MAN1A1: variants seen among roughly 807,000 people sequenced by gnomAD.
MAN1A1 encodes mannosyl-oligosaccharide 1,2-alpha-mannosidase IA.
Under a neutral mutation model 70.8 loss-of-function variants are expected in MAN1A1, and 29 were observed. The ratio of observed to expected loss-of-function variants is 0.41; its 90% CI spans 0.31 to 0.56. The LOEUF (loss-of-function observed/expected upper bound fraction) is 0.56, where lower values mean the gene tolerates loss of function less well. MAN1A1 is among the 20% of genes least tolerant of loss of function. The probability of loss-of-function intolerance (pLI) is 0.29; values close to 1 mark genes in which losing one functional copy is unlikely to be tolerated. For synonymous variants in MAN1A1, 349 were observed against 330.1 expected (o/e 1.06, Z -0.62); for missense variants, 747 against 841.3 (o/e 0.89, Z 1.39).
intron 5 of MAN1A1, among the ~76,000 whole-genome samples, chr6:119,249,909 GGTTGACA>G: frequency 6.6e-6 from 1 of 152,214 alleles, no homozygotes; most frequent in East Asian, 1.9e-4. Flanking sequence ...AAATGACTTT[GGTTGACA>G]GTCAATTTAG....
Position 119,349,305 on chromosome 6 carries a change from G to A in MAN1A1, c.-222-18C>T. ...TGCAGCCCCTGCGGGGAGAGAAACA[G>A]TAAAACGTAGTAATTACGGCGATGA... On this transcript the variant is annotated intron_variant, in intron 1 of 12. Coordinates refer to ENST00000368468, the MANE Select transcript of MAN1A1 (RefSeq NM_005907.4). The A allele has an allele frequency of 8.4e-7, 1 of 1,192,624 alleles. No individual in the cohort carries two copies. The highest frequency in any genetic ancestry group is 1.0e-6 in the Non-Finnish European group (1 of 962,848). The allele number at this position is 1,192,624 out of a possible 1,614,324, so 73.9% of individuals were successfully genotyped here.
At chr6:119,337,105 G>A (rs1168009914) in intron 2 of MAN1A1, among the ~76,000 whole-genome samples, 1 of 151,142 alleles carries the variant, frequency 6.6e-6, no homozygotes, top group Admixed American at 6.6e-5. Flanking sequence ...TTTGTTTTTG[G>A]CACCACTTTC....
At chr6:119,240,336 A>G (rs966391554) in intron 6 of MAN1A1, among the ~76,000 whole-genome samples, 1 of 152,158 alleles carries the variant, frequency 6.6e-6, no homozygotes, top group Non-Finnish European at 1.5e-5. Flanking sequence ...AGTATAGAAA[A>G]ATATTTTAAA....
intron 6 of MAN1A1, among the ~76,000 whole-genome samples, chr6:119,217,725 T>C (rs1307648221): frequency 6.6e-6 from 1 of 152,196 alleles, no homozygotes; most frequent in Non-Finnish European, 1.5e-5. Flanking sequence ...GTAAAGATGA[T>C]AGAGAAAAAT....
intron 6 of MAN1A1, among the ~76,000 whole-genome samples, chr6:119,212,037 T>C (rs1334607543): frequency 6.6e-6 from 1 of 152,000 alleles, no homozygotes; most frequent in Non-Finnish European, 1.5e-5. Context: ...AGACGGGGTT[T>C]CACCATGTTA....
intron 11 of MAN1A1, among the ~76,000 whole-genome samples, chr6:119,186,723 G>A (rs567377084): frequency 7.2e-5 from 11 of 152,280 alleles, no homozygotes; most frequent in African/African-American, 2.4e-4. Context: ...GCTGGAGGTG[G>A]GAGCTGCAAG....
chr6:119,254,468 A>C (rs565485070), intron 5 of MAN1A1, among the ~76,000 whole-genome samples: 1 of 152,240 alleles, frequency 6.6e-6, no homozygotes. Flanking sequence ...CTGGGAAAAA[A>C]GCAAGACAAA....
intron 8 of MAN1A1, among the ~76,000 whole-genome samples, chr6:119,200,883 G>A (rs146352308): frequency 3.9e-4 from 60 of 152,258 alleles, no homozygotes; most frequent in African/African-American, 1.3e-3. Flanking sequence ...ATGTTAGGAA[G>A]CAGAATGGTC....
chr6:119,230,812 A>G (rs1774655753), intron 6 of MAN1A1, among the ~76,000 whole-genome samples: 1 of 152,198 alleles, frequency 6.6e-6, no homozygotes, highest in Non-Finnish European at 1.5e-5. Context: ...AATTCTCCCA[A>G]GAGCTTTCAT....
chr6:119,241,449 C>T (rs1330884762), intron 6 of MAN1A1, among the ~76,000 whole-genome samples: 1 of 152,184 alleles, frequency 6.6e-6, no homozygotes, highest in African/African-American at 2.4e-5. Flanking sequence ...CAAGCAGCAG[C>T]AGCAGTAGCT....
chr6:119,290,428 C>T (rs1289111865), intron 5 of MAN1A1, among the ~76,000 whole-genome samples: 2 of 151,970 alleles, frequency 1.3e-5, no homozygotes, highest in Middle Eastern at 3.2e-3. Context: ...GCTATAATCA[C>T]ACCATACATA....
intron 2 of MAN1A1, among the ~76,000 whole-genome samples, chr6:119,327,926 C>T (rs1371357268): frequency 6.6e-6 from 1 of 152,076 alleles, no homozygotes; most frequent in Non-Finnish European, 1.5e-5. Flanking sequence ...GAAATGGGGA[C>T]CTTAGTTCTA....
chr6:119,290,769 G>GAA lies in MAN1A1; in HGVS notation c.817-8_817-7dup, dbSNP rs113131653. 4.4e-5 allele frequency: 66 copies of GAA among 1,504,252 alleles called. No homozygotes were observed. Among genetic ancestry groups the GAA allele is most frequent in the Non-Finnish European group, 5.3e-5 (58 of 1,103,124 alleles). 93.2% of individuals were successfully genotyped at this position (1,504,252 alleles called of 1,614,324 possible). A position where few individuals can be genotyped will look rare whatever the true frequency, so the allele number is the denominator to read the frequency against. ...AAGACAGAAATTTCAGCATTCTATGGAAAAAAAAAATTCAAACATGATGAT... is the reference window on the plus strand; with the variant it reads ...AAGACAGAAATTTCAGCATTCTATGGAAAAAAAAAAAATTCAAACATGATGAT... On this transcript the variant is annotated splice_region_variant and splice_polypyrimidine_tract_variant and intron_variant, in intron 4 of 12. Transcript: ENST00000368468.
chr6:119,272,149 A>G (rs1775942534), intron 5 of MAN1A1, among the ~76,000 whole-genome samples: 1 of 152,244 alleles, frequency 6.6e-6, no homozygotes, highest in African/African-American at 2.4e-5. Flanking sequence ...TGCTTTGGAT[A>G]ATTAAAAATA....
At chr6:119,348,398 A>T in intron 2 of MAN1A1, 65 bp downstream of exon 2, 2 of 1,436,006 alleles carry the variant, frequency 1.4e-6, no homozygotes, top group Non-Finnish European at 1.9e-6. Context: ...AGAGTTTCAA[A>T]GGCTTGCCGT....
intron 7 of MAN1A1, among the ~76,000 whole-genome samples, chr6:119,202,225 T>A (rs1367871513): frequency 6.6e-6 from 1 of 152,128 alleles, no homozygotes; most frequent in Non-Finnish European, 1.5e-5. Flanking sequence ...TTCTTATAAG[T>A]TTTTTCTATT....
At chr6:119,183,701 A>G (rs1773212903) in intron 11 of MAN1A1, among the ~76,000 whole-genome samples, 1 of 152,106 alleles carries the variant, frequency 6.6e-6, no homozygotes, top group African/African-American at 2.4e-5. Context: ...TTTGGGGTGG[A>G]CAATGCCTAA....
chr6:119,219,786 A>G (rs1774308085), intron 6 of MAN1A1, among the ~76,000 whole-genome samples: 1 of 152,170 alleles, frequency 6.6e-6, no homozygotes, highest in Non-Finnish European at 1.5e-5. Context: ...ACAACTACCA[A>G]ATATGTAGTA....
In MAN1A1 at chr6:119,260,533, ACT is replaced by A. The variant is rs1253869077; in HGVS notation, c.898-12181_898-12180del. Among the ~76,000 whole-genome samples, 895 of 152,288 alleles carry A rather than the reference ACT, an allele frequency of 5.9e-3. 8 individuals are homozygous for A. The highest frequency in any genetic ancestry group is 0.02 in the African/African-American group (851 of 41,546). ...ATTCATTCAATTCATTCACTCACTC[ACT>A]AACTATAGCTGTAGGGTCAAAGTAG... On this transcript the variant is annotated intron_variant, in intron 5 of 12. Coordinates refer to ENST00000368468, the MANE Select transcript of MAN1A1 (RefSeq NM_005907.4).
Sources: allele counts gnomAD v4.1 joint callset (sites outside exome capture counted in the v4.1 genomes callset), GRCh38; gene constraint gnomAD v4.1.1; transcripts MANE v1.5; gene names NCBI Gene and HGNC (gene_info 2026-07-23, HGNC 2026-07-21).